STK3: variants seen among roughly 807,000 people sequenced by gnomAD.
STK3 encodes serine/threonine kinase 3.
STK3 carries 41 observed loss-of-function variants against 58.0 expected under a neutral mutation model. The observed-to-expected ratio is 0.71, with a 90% confidence interval of 0.55 to 0.92. The LOEUF (loss-of-function observed/expected upper bound fraction) is 0.92. Ranked by LOEUF, STK3 falls within the 40% of genes least tolerant of loss-of-function variation. The pLI, the probability that STK3 is intolerant of heterozygous loss-of-function variation, is 0.00. For synonymous variants in STK3, 170 were observed against 191.0 expected (o/e 0.89, Z 0.91); for missense variants, 479 against 602.7 (o/e 0.79, Z 2.15).
At chr8:98,449,972 G>C (rs1056982579), downstream of STK3, among the ~76,000 whole-genome samples, 5 of 152,132 alleles carry the variant, frequency 3.3e-5, no homozygotes, top group African/African-American at 1.2e-4. Flanking sequence ...CCAGCATCAT[G>C]GTTCTTGACG....
intron 3 of STK3, among the ~76,000 whole-genome samples, chr8:98,870,687 T>C (rs1837338296): frequency 6.6e-6 from 1 of 152,150 alleles, no homozygotes; most frequent in Admixed American, 6.5e-5. Context: ...TTTGTTGGGG[T>C]TGTTTGATTT....
chr8:98,760,186 C>T (rs934583914), intron 3 of STK3, among the ~76,000 whole-genome samples: 3 of 152,124 alleles, frequency 2.0e-5, no homozygotes, highest in South Asian at 2.1e-4. Context: ...CTGTCACCCA[C>T]GCTAGAGTGC....
chr8:98,893,503 AG>A (rs1423054663), intron 1 of STK3, among the ~76,000 whole-genome samples: 12 of 145,372 alleles, frequency 8.3e-5, no homozygotes, highest in African/African-American at 2.6e-4. Context: ...AAAGAAAGAA[AG>A]AAAGAAAGAA....
intron 3 of STK3, chr8:98,393,556 T>G (rs1817868378): frequency 6.6e-6 from 1 of 152,148 alleles, no homozygotes; most frequent in South Asian, 2.1e-4. Context: ...GCCCAGGCCT[T>G]AAGAGGCCTC....
At chr8:98,373,491 T>A in intron 2 of STK3, among the ~76,000 whole-genome samples, 1 of 152,208 alleles carries the variant, frequency 6.6e-6, no homozygotes, top group East Asian at 1.9e-4. Flanking sequence ...TTGAGCTAAA[T>A]GTTCTTACTG....
At chr8:98,574,927 C>T (rs927923741) in intron 8 of STK3, among the ~76,000 whole-genome samples, 5 of 152,062 alleles carry the variant, frequency 3.3e-5, no homozygotes, top group Non-Finnish European at 5.9e-5. Flanking sequence ...AATAGTGACT[C>T]GTGCACTTCC....
chr8:98,557,877 A>G (rs772716951), intron 8 of STK3, among the ~76,000 whole-genome samples: 2 of 152,118 alleles, frequency 1.3e-5, no homozygotes, highest in Non-Finnish European at 2.9e-5. Flanking sequence ...TCCAAACGTC[A>G]TAAAAGACTT....
At chr8:98,926,415 A>C (rs1839798455) in intron 1 of STK3, among the ~76,000 whole-genome samples, 1 of 152,214 alleles carries the variant, frequency 6.6e-6, no homozygotes, top group Non-Finnish European at 1.5e-5. Context: ...CATATGGAAT[A>C]CGGAACTTTT....
At chr8:98,870,993 T>G (rs1221223270) in intron 3 of STK3, among the ~76,000 whole-genome samples, 4 of 152,214 alleles carry the variant, frequency 2.6e-5, no homozygotes, top group African/African-American at 9.7e-5. Flanking sequence ...ATTTAAGTCT[T>G]TAATCCATCT....
intron 1 of STK3, among the ~76,000 whole-genome samples, chr8:98,386,726 T>C (rs112463480): frequency 0.015 from 2,261 of 152,248 alleles, 61 homozygotes; most frequent in African/African-American, 0.05. Context: ...ACGTCTGTAA[T>C]CCCAGCACTT....
At chr8:98,508,803 GTAAT>G (rs1178205480) in intron 10 of STK3, among the ~76,000 whole-genome samples, 1 of 152,030 alleles carries the variant, frequency 6.6e-6, no homozygotes, top group East Asian at 1.9e-4. Flanking sequence ...CAATTTGACA[GTAAT>G]TAATTAAAGT....
chr8:98,902,390 G>T (rs1324840769), intron 1 of STK3, among the ~76,000 whole-genome samples: 1 of 152,064 alleles, frequency 6.6e-6, no homozygotes, highest in Non-Finnish European at 1.5e-5. Context: ...TGAAACTCTT[G>T]ATCTTAACAC....
intron 6 of STK3, among the ~76,000 whole-genome samples, chr8:98,605,563 C>G (rs1816709371): frequency 6.6e-6 from 1 of 151,606 alleles, no homozygotes; most frequent in East Asian, 1.9e-4. Flanking sequence ...TCCTCTCTTA[C>G]TTCCTCCCTC....
At chr8:98,765,045 C>G (rs917529394) in intron 3 of STK3, among the ~76,000 whole-genome samples, 3 of 152,204 alleles carry the variant, frequency 2.0e-5, no homozygotes, top group African/African-American at 7.2e-5. Flanking sequence ...TTGCAGAAAT[C>G]TGAACAAGAT....
At chr8:98,857,862 C>T (rs1237174852) in intron 3 of STK3, among the ~76,000 whole-genome samples, 1 of 151,606 alleles carries the variant, frequency 6.6e-6, no homozygotes, top group Non-Finnish European at 1.5e-5. Context: ...GATGAAAGAG[C>T]TGTAACAATA....
chr8:98,630,148 C>A (rs542272764), intron 6 of STK3, among the ~76,000 whole-genome samples: 2 of 152,192 alleles, frequency 1.3e-5, no homozygotes, highest in East Asian at 3.9e-4. Context: ...CACTATGTGG[C>A]GTGGCATATA....
intron 4 of STK3, among the ~76,000 whole-genome samples, chr8:98,732,090 C>T (rs1160248167): frequency 6.6e-6 from 1 of 152,000 alleles, no homozygotes; most frequent in Admixed American, 6.6e-5. Flanking sequence ...ATAAAAAGTT[C>T]AGTTAGAAAA....
At chr8:98,803,370 T>C (rs1399937156) in intron 1 of STK3, among the ~76,000 whole-genome samples, 2 of 151,926 alleles carry the variant, frequency 1.3e-5, no homozygotes, top group Non-Finnish European at 2.9e-5. Flanking sequence ...AGCAGGCAGA[T>C]CACGAGGTCA....
At chr8:98,758,449 C>A (rs1830432872) in intron 3 of STK3, among the ~76,000 whole-genome samples, 1 of 152,192 alleles carries the variant, frequency 6.6e-6, no homozygotes, top group South Asian at 2.1e-4. Context: ...AACTAATCCA[C>A]CACGATCAAG....
Sources: gnomAD v4.1 joint callset for allele counts (sites outside exome capture counted in the v4.1 genomes callset) on GRCh38, gnomAD v4.1.1 for gene constraint, MANE v1.5 for transcripts, NCBI Gene and HGNC (gene_info 2026-07-23, HGNC 2026-07-21) for gene names.